Variants in CNTNAP2 observed in about 807,000 individuals in gnomAD.
The protein encoded by CNTNAP2 is contactin associated protein 2.
Under a neutral mutation model 155.2 loss-of-function variants are expected in CNTNAP2, and 98 were observed. The observed-to-expected ratio is 0.63, with a 90% CI of 0.54 to 0.75. The LOEUF (loss-of-function observed/expected upper bound fraction) is 0.75, where lower values mean the gene tolerates loss of function less well. CNTNAP2 is among the 30% of genes least tolerant of loss of function. The pLI, the probability that CNTNAP2 is intolerant of heterozygous loss-of-function variation, is 0.00. For synonymous variants in CNTNAP2, 651 were observed against 631.2 expected (o/e 1.03, Z -0.47); for missense variants, 1,727 against 1,688.1 (o/e 1.02, Z -0.40).
At chr7:146,916,326 G>T (rs1796393590) in intron 3 of CNTNAP2, among the ~76,000 whole-genome samples, 2 of 152,030 alleles carry the variant, frequency 1.3e-5, no homozygotes, top group African/African-American at 4.8e-5. Flanking sequence ...AGTGATACTG[G>T]ATTCAAAGAA....
chr7:146,718,299 C>T (rs1319938909), intron 1 of CNTNAP2, among the ~76,000 whole-genome samples: 2 of 152,064 alleles, frequency 1.3e-5, no homozygotes, highest in Non-Finnish European at 2.9e-5. Context: ...TTCTACTTTT[C>T]TTCTTATAAG....
At position 146,371,374 on chromosome 7, in the gene CNTNAP2, T is replaced by TG. The variant is rs1298337350; in HGVS notation, c.97+254401_97+254402insG. Among the ~76,000 whole-genome samples the TG allele has an allele frequency of 5.2e-3, 713 of 137,918 alleles. 11 individuals carry two copies. The highest frequency in any genetic ancestry group is 0.019 in the African/African-American group (690 of 35,812). 90.5% of individuals were successfully genotyped at this position (137,918 alleles called of 152,430 possible). On this transcript the variant is annotated intron_variant, in intron 1 of 23. Coordinates refer to ENST00000361727, the MANE Select transcript of CNTNAP2 (RefSeq NM_014141.6). Reference sequence around the variant, plus strand: ...ATATATGCCAGTATTAGTTTTTTTTTTTTTTTTTTTTTGAGATGGAGTCTC... The same window carrying TG: ...ATATATGCCAGTATTAGTTTTTTTTTGTTTTTTTTTTTTGAGATGGAGTCTC...
chr7:148,007,513 C>G (rs977525851), intron 15 of CNTNAP2, among the ~76,000 whole-genome samples: 1 of 152,106 alleles, frequency 6.6e-6, no homozygotes, highest in African/African-American at 2.4e-5. Context: ...AAAATGAAAT[C>G]TTTCACCAAA....
At chr7:147,950,901 T>G (rs929945070) in intron 14 of CNTNAP2, among the ~76,000 whole-genome samples, 5 of 152,224 alleles carry the variant, frequency 3.3e-5, no homozygotes, top group African/African-American at 1.2e-4. Flanking sequence ...TAAATTAACC[T>G]TATCTGTCTC....
intron 15 of CNTNAP2, among the ~76,000 whole-genome samples, chr7:148,103,281 C>T (rs1804142490): frequency 1.3e-5 from 2 of 151,608 alleles, no homozygotes; most frequent in Admixed American, 1.3e-4. Context: ...AAGCAGTACC[C>T]AGCTTGACTT....
intron 4 of CNTNAP2, among the ~76,000 whole-genome samples, chr7:147,083,569 T>TAC (rs1563070341): frequency 1.5e-4 from 21 of 138,822 alleles, no homozygotes; most frequent in African/African-American, 6.1e-4. Context: ...TATATACACA[T>TAC]ATATATGTAT....
intron 1 of CNTNAP2, among the ~76,000 whole-genome samples, chr7:146,571,242 T>C (rs1249998558): frequency 1.3e-5 from 2 of 152,094 alleles, no homozygotes; most frequent in Non-Finnish European, 2.9e-5. Flanking sequence ...GTGGAAAGGA[T>C]TGCAAACTGT....
chr7:147,771,608 T>A (rs1797470579), intron 13 of CNTNAP2, among the ~76,000 whole-genome samples: 1 of 152,190 alleles, frequency 6.6e-6, no homozygotes, highest in South Asian at 2.1e-4. Context: ...AGTTGAAATT[T>A]CGTTCACATT....
chr7:147,573,348 C>T (rs184756897), intron 12 of CNTNAP2, among the ~76,000 whole-genome samples: 34 of 152,318 alleles, frequency 2.2e-4, no homozygotes, highest in African/African-American at 7.9e-4. Flanking sequence ...TGAACAAAAT[C>T]AGCATTAAAA....
intron 18 of CNTNAP2, among the ~76,000 whole-genome samples, chr7:148,200,871 T>A (rs887078021): frequency 6.6e-6 from 1 of 152,216 alleles, no homozygotes; most frequent in Non-Finnish European, 1.5e-5. Flanking sequence ...TTGAATAATA[T>A]GTACCCCATG....
At chr7:147,034,799 T>G (rs749885644) in intron 3 of CNTNAP2, among the ~76,000 whole-genome samples, 25 of 152,108 alleles carry the variant, frequency 1.6e-4, no homozygotes, top group Non-Finnish European at 2.8e-4. Context: ...CGGTGTGCTT[T>G]TCCACTCCTC....
intron 15 of CNTNAP2, among the ~76,000 whole-genome samples, chr7:148,081,346 G>A (rs1039476662): frequency 5.3e-5 from 8 of 152,094 alleles, no homozygotes; most frequent in Non-Finnish European, 1.0e-4. Flanking sequence ...TGAGAGTGTT[G>A]CCAAAGGAGA....
intron 1 of CNTNAP2, among the ~76,000 whole-genome samples, chr7:146,763,409 A>T (rs1414960300): frequency 1.3e-5 from 2 of 152,074 alleles, no homozygotes; most frequent in Non-Finnish European, 2.9e-5. Flanking sequence ...TCTTCCTGTC[A>T]TGCCCTATTT....
chr7:147,590,386 T>C (rs1205703253), intron 12 of CNTNAP2, among the ~76,000 whole-genome samples: 1 of 152,150 alleles, frequency 6.6e-6, no homozygotes, highest in Non-Finnish European at 1.5e-5. Context: ...TCCCCCATGC[T>C]GTTCTTGTGA....
At chr7:147,898,512 A>G (rs149049562) in intron 13 of CNTNAP2, among the ~76,000 whole-genome samples, 68 of 149,936 alleles carry the variant, frequency 4.5e-4, no homozygotes, top group African/African-American at 1.6e-3. Flanking sequence ...ATTTTAACCC[A>G]TATACCCAGA....
chr7:147,203,958 C>T (rs1283371916), intron 8 of CNTNAP2, among the ~76,000 whole-genome samples: 2 of 151,988 alleles, frequency 1.3e-5, no homozygotes, highest in Non-Finnish European at 2.9e-5. Flanking sequence ...TTTAGAATAA[C>T]TTAGTTTTTC....
chr7:146,757,201 T>C (rs1459211792), intron 1 of CNTNAP2, among the ~76,000 whole-genome samples: 1 of 152,124 alleles, frequency 6.6e-6, no homozygotes, highest in African/African-American at 2.4e-5. Context: ...AATCCAGATA[T>C]GTTCAAATGA....
chr7:147,328,319 T>TAACA lies in CNTNAP2; in HGVS notation c.1498+28030_1498+28033dup, dbSNP rs562199339. On this transcript the variant is annotated intron_variant, in intron 9 of 23. Coordinates refer to ENST00000361727, the MANE Select transcript of CNTNAP2 (RefSeq NM_014141.6). The stretch of plus-strand genomic sequence containing the variant: ...GGATGTAGATCAGTGATACAAATTT[T>TAACA]AACAGTTAAAAACTAAATCATACAT... Among the ~76,000 whole-genome samples the TAACA allele has an allele frequency of 4.0e-4, 61 of 152,312 alleles. No individual in the cohort carries two copies. The South Asian group carries it at 0.012, about 29-fold the overall frequency.
At chr7:146,466,363 G>C (rs1563094904) in intron 1 of CNTNAP2, among the ~76,000 whole-genome samples, 1 of 152,136 alleles carries the variant, frequency 6.6e-6, no homozygotes, top group South Asian at 2.1e-4. Flanking sequence ...CTGTTTCGTA[G>C]AACTTCATCT....
Sources: gnomAD v4.1 joint callset for allele counts (sites outside exome capture counted in the v4.1 genomes callset) on GRCh38, gnomAD v4.1.1 for gene constraint, MANE v1.5 for transcripts, NCBI Gene and HGNC (gene_info 2026-07-23, HGNC 2026-07-21) for gene names.